The following PTK2 variants were observed in gnomAD, a reference collection of about 807,000 sequenced individuals.
PTK2 encodes focal adhesion kinase 1.
In PTK2, 45 loss-of-function variants were observed where a neutral mutation model predicts 150.1. The ratio of observed to expected loss-of-function variants is 0.30; its 90% CI spans 0.24 to 0.38. The LOEUF is 0.38. Ranked by LOEUF, PTK2 falls within the 10% of genes least tolerant of loss-of-function variation. The pLI is 1.00. For synonymous variants in PTK2, 432 were observed against 449.2 expected (o/e 0.96, Z 0.48); for missense variants, 919 against 1,307.3 (o/e 0.70, Z 4.58).
chr8:140,977,911 A>G (rs1439658946), intron 1 of PTK2, among the ~76,000 whole-genome samples: 1 of 152,206 alleles, frequency 6.6e-6, no homozygotes, highest in East Asian at 1.9e-4. Context: ...TCAGAGATAT[A>G]GATCAATGGA....
At position 140,932,210 on chromosome 8, in the gene PTK2, T is replaced by C. The variant is rs116261618; in HGVS notation, c.-121-6461A>G. On this transcript the variant is annotated intron_variant, in intron 1 of 31. Transcript: ENST00000522684. ...TAAAGTTTCACTCTAAGAATAAAGA[T>C]ATTTAACATTTCTTTTTTTTCTTTT... 7.4e-3 allele frequency among the ~76,000 whole-genome samples: 1,126 copies of C among 152,254 alleles called. 12 individuals are homozygous for C. The highest frequency in any genetic ancestry group is 0.025 in the African/African-American group (1,040 of 41,522).
chr8:140,715,155 G>GTTTTTT (rs67306225), intron 23 of PTK2, among the ~76,000 whole-genome samples: 3 of 56,012 alleles, frequency 5.4e-5, no homozygotes, highest in African/African-American at 1.3e-4. Flanking sequence ...CATTAAAACC[G>GTTTTTT]TTTTTTTTTT....
At chr8:140,871,207 C>T (rs1030258354) in intron 4 of PTK2, among the ~76,000 whole-genome samples, 1 of 151,956 alleles carries the variant, frequency 6.6e-6, no homozygotes, top group Non-Finnish European at 1.5e-5. Flanking sequence ...AATCTGAAAA[C>T]AAAATTTTCT....
intron 14 of PTK2, among the ~76,000 whole-genome samples, chr8:140,785,280 A>G (rs1013086115): frequency 2.6e-5 from 4 of 152,214 alleles, no homozygotes; most frequent in Non-Finnish European, 5.9e-5. Flanking sequence ...GCACACCTCC[A>G]TACCTTACTC....
At chr8:140,950,784 C>T (rs10105478) in intron 1 of PTK2, among the ~76,000 whole-genome samples, 3,654 of 152,128 alleles carry the variant, frequency 0.024, 156 homozygotes, top group African/African-American at 0.085. Context: ...ATGGGCACCC[C>T]TCACCCCCGC....
intron 5 of PTK2, among the ~76,000 whole-genome samples, chr8:140,854,940 A>G (rs749716209): frequency 7.9e-5 from 12 of 152,172 alleles, no homozygotes; most frequent in Non-Finnish European, 1.0e-4. Flanking sequence ...ATTTAAACAT[A>G]ATTATTTTAT....
intron 31 of PTK2, among the ~76,000 whole-genome samples, chr8:140,662,284 C>T (rs904443136): frequency 2.0e-5 from 3 of 150,280 alleles, no homozygotes; most frequent in African/African-American, 4.9e-5. Flanking sequence ...GTGACAGAGA[C>T]AGACCCTGTC....
chr8:140,871,017 C>T (rs1030548971), intron 4 of PTK2, among the ~76,000 whole-genome samples: 1 of 152,072 alleles, frequency 6.6e-6, no homozygotes. Flanking sequence ...AGCCATACAA[C>T]ATATACAAAA....
chr8:140,908,177 G>A (rs571902450), intron 2 of PTK2, among the ~76,000 whole-genome samples: 24 of 152,304 alleles, frequency 1.6e-4, no homozygotes, highest in Non-Finnish European at 2.8e-4. Context: ...AACTGAGAAG[G>A]TTTTGGTGGT....
chr8:140,909,591 T>C (rs1166867757), intron 2 of PTK2: 1 of 152,206 alleles, frequency 6.6e-6, no homozygotes, highest in Non-Finnish European at 1.5e-5. Flanking sequence ...CTCACAATTA[T>C]ACAACTCTTA....
chr8:140,852,351 T>C (rs927583563), intron 5 of PTK2, among the ~76,000 whole-genome samples: 2 of 152,198 alleles, frequency 1.3e-5, no homozygotes, highest in Non-Finnish European at 2.9e-5. Flanking sequence ...GGGATTTTCT[T>C]TGTGTCCATA....
At chr8:140,923,506 CAG>C (rs2100168309) in intron 2 of PTK2, among the ~76,000 whole-genome samples, 1 of 152,174 alleles carries the variant, frequency 6.6e-6, no homozygotes, top group African/African-American at 2.4e-5. Context: ...TTTGGTGATA[CAG>C]AGTTTTATTA....
intron 1 of PTK2, among the ~76,000 whole-genome samples, chr8:140,945,309 A>G (rs1315759811): frequency 6.6e-6 from 1 of 152,188 alleles, no homozygotes; most frequent in Non-Finnish European, 1.5e-5. Context: ...TCAAGGCTGG[A>G]CACTATGGCT....
At chr8:140,864,060 T>C (rs1417907605) in intron 5 of PTK2, among the ~76,000 whole-genome samples, 1 of 152,178 alleles carries the variant, frequency 6.6e-6, no homozygotes, top group Non-Finnish European at 1.5e-5. Flanking sequence ...AAATTAAAGC[T>C]CAAGAAATGA....
chr8:140,781,807 T>C (rs1443643743), intron 14 of PTK2, among the ~76,000 whole-genome samples: 1 of 152,178 alleles, frequency 6.6e-6, no homozygotes. Flanking sequence ...TCAAAACCTA[T>C]ATGACCTCCA....
chr8:140,880,745 C>T (rs1006217915), intron 3 of PTK2, among the ~76,000 whole-genome samples: 4 of 152,268 alleles, frequency 2.6e-5, no homozygotes, highest in Admixed American at 2.6e-4. Flanking sequence ...ATATTATCCC[C>T]AGCCTTCTCC....
intron 4 of PTK2, among the ~76,000 whole-genome samples, chr8:140,867,437 T>C (rs758116127): frequency 1.3e-5 from 2 of 152,120 alleles, no homozygotes; most frequent in African/African-American, 2.4e-5. Context: ...TGCATGAATA[T>C]TTAAAGGCAC....
At chr8:140,882,419 C>T (rs528328640) in intron 3 of PTK2, among the ~76,000 whole-genome samples, 6 of 152,088 alleles carry the variant, frequency 3.9e-5, no homozygotes, top group Non-Finnish European at 7.4e-5. Flanking sequence ...TTTTAATATG[C>T]CACTAAAGGT....
At chr8:140,808,968 G>C (rs183541403) in intron 10 of PTK2, among the ~76,000 whole-genome samples, 1 of 152,052 alleles carries the variant, frequency 6.6e-6, no homozygotes, top group East Asian at 1.9e-4. Context: ...TCTGACCTCA[G>C]GTGATCCACC....
Sources: allele counts gnomAD v4.1 joint callset (sites outside exome capture counted in the v4.1 genomes callset), GRCh38; gene constraint gnomAD v4.1.1; transcripts MANE v1.5; gene names NCBI Gene and HGNC (gene_info 2026-07-23, HGNC 2026-07-21).